Variants in ST3GAL1 observed in about 807,000 individuals in gnomAD.
ST3GAL1 encodes the protein CMP-N-acetylneuraminate-beta-galactosamide-alpha-2,3-sialyltransferase 1.
In ST3GAL1, 16 loss-of-function variants were observed where a neutral mutation model predicts 34.1. That is an observed-to-expected ratio of 0.47 (90% confidence interval 0.32 to 0.71). The LOEUF is 0.71. ST3GAL1 is among the 30% of genes least tolerant of loss of function. The probability of loss-of-function intolerance (pLI) is 0.04; values close to 1 mark genes in which losing one functional copy is unlikely to be tolerated. For missense variants in ST3GAL1, 353 were observed against 447.4 expected (o/e 0.79, Z 1.90); for synonymous variants, 191 against 184.7 (o/e 1.03, Z -0.28).
intron 1 of ST3GAL1, among the ~76,000 whole-genome samples, chr8:133,552,750 T>C (rs1307754104): frequency 6.6e-6 from 1 of 152,210 alleles, no homozygotes; most frequent in Admixed American, 6.5e-5. Flanking sequence ...CATAATGAAG[T>C]GCCTTTCTGA....
intron 2 of ST3GAL1, among the ~76,000 whole-genome samples, chr8:133,506,956 T>TTA (rs1554615406): frequency 1.4e-5 from 2 of 147,860 alleles, no homozygotes; most frequent in African/African-American, 4.9e-5. Flanking sequence ...AATAAATAAA[T>TTA]AATAAATAAA....
chr8:133,479,446 G>A (rs1232280442), intron 3 of ST3GAL1, among the ~76,000 whole-genome samples: 1 of 152,168 alleles, frequency 6.6e-6, no homozygotes, highest in Non-Finnish European at 1.5e-5. Context: ...CTGCTGGTGG[G>A]GCTGAGCAGA....
intron 3 of ST3GAL1, among the ~76,000 whole-genome samples, chr8:133,485,151 C>A (rs532945743): frequency 2.0e-5 from 3 of 152,160 alleles, no homozygotes; most frequent in Non-Finnish European, 4.4e-5. Flanking sequence ...TGTTCCCACT[C>A]GCTGTGTGCT....
Position 133,549,294 on chromosome 8 carries a change from C to T in ST3GAL1, c.-581-3368G>A, listed in dbSNP as rs148051984. 5.6e-3 allele frequency among the ~76,000 whole-genome samples: 839 copies of T among 150,328 alleles called. 6 individuals are homozygous for T. The highest frequency in any genetic ancestry group is 0.019 in the African/African-American group (790 of 40,870). On this transcript the variant is annotated intron_variant, in intron 1 of 9. Coordinates refer to ENST00000522652, the MANE Select transcript of ST3GAL1 (RefSeq NM_173344.3). ...GCACACGCCTGTAATCCCAGCTACT[C>T]GGGAGGCTGAGGCAGGAGAATCACT... is the stretch of plus-strand genomic sequence containing the variant.
intron 2 of ST3GAL1, among the ~76,000 whole-genome samples, chr8:133,527,274 C>T (rs978651740): frequency 6.6e-5 from 10 of 152,102 alleles, no homozygotes; most frequent in Admixed American, 3.3e-4. Flanking sequence ...AGTTGGAAAT[C>T]GAATCACCCA....
chr8:133,496,275 G>A (rs1225809937), intron 3 of ST3GAL1, among the ~76,000 whole-genome samples: 1 of 152,216 alleles, frequency 6.6e-6, no homozygotes, highest in East Asian at 1.9e-4. Flanking sequence ...TGCGGAAAGA[G>A]AGACATTCTG....
At chr8:133,473,932 C>T (rs1394242107) in intron 5 of ST3GAL1, among the ~76,000 whole-genome samples, 1 of 152,192 alleles carries the variant, frequency 6.6e-6, no homozygotes, top group Non-Finnish European at 1.5e-5. Context: ...CTTCCCTAGA[C>T]CCTTGGATCT....
chr8:133,465,671 C>T (rs1328100430), intron 6 of ST3GAL1: 2 of 454,940 alleles, frequency 4.4e-6, no homozygotes, highest in Non-Finnish European at 7.6e-6. Context: ...TGTATGGCTT[C>T]CTCTCTGCAC....
Position 133,503,290 on chromosome 8 carries a change from C to T in ST3GAL1, c.-428-4101G>A, listed in dbSNP as rs115827985. On this transcript the variant is annotated intron_variant, in intron 2 of 9. Coordinates refer to ENST00000522652, the MANE Select transcript of ST3GAL1 (RefSeq NM_173344.3). ...GAACTGAGTAGATAGTCAGGAGAGC[C>T]GACTTCCACTCAGGCTCTGCCATTT... Among the ~76,000 whole-genome samples the T allele has an allele frequency of 4.8e-3, 729 of 152,266 alleles. 2 individuals carry two copies. Among genetic ancestry groups the T allele is most frequent in the African/African-American group, 0.015 (628 of 41,556 alleles).
intron 1 of ST3GAL1, among the ~76,000 whole-genome samples, chr8:133,553,048 C>T (rs375241194): frequency 4.3e-4 from 65 of 152,194 alleles, no homozygotes; most frequent in African/African-American, 1.5e-3. Flanking sequence ...CACAATATCC[C>T]TTTGTGCTCA....
At chr8:133,464,547 T>G (rs552553097) in intron 7 of ST3GAL1, among the ~76,000 whole-genome samples, 1 of 152,298 alleles carries the variant, frequency 6.6e-6, no homozygotes, top group Non-Finnish European at 1.5e-5. Context: ...GGAGGTCCCT[T>G]CAGGAATTGT....
Position 133,541,044 on chromosome 8 carries a change from CAT to C in ST3GAL1, c.-429+4728_-429+4729del, listed in dbSNP as rs1161236540. On this transcript the variant is annotated intron_variant, in intron 2 of 9. Transcript: ENST00000522652. The stretch of plus-strand genomic sequence containing the variant: ...AGACATATATATAGACATATATAGA[CAT>C]ATATATAGACATATATATATAGACA... Among the ~76,000 whole-genome samples, 41 of 92,624 alleles carry C rather than the reference CAT, an allele frequency of 4.4e-4. 1 individual carries two copies. The highest frequency in any genetic ancestry group is 2.3e-3 in the South Asian group (6 of 2,596). The allele number at this position is 92,624 out of a possible 152,430, so 60.8% of individuals were successfully genotyped here.
chr8:133,503,712 T>C (rs1302088274), intron 2 of ST3GAL1, among the ~76,000 whole-genome samples: 3 of 152,052 alleles, frequency 2.0e-5, no homozygotes, highest in Non-Finnish European at 2.9e-5. Context: ...CCTGAATATC[T>C]CCAGATGTAG....
At chr8:133,541,106 T>TAGAGAGAG (rs1563734604) in intron 2 of ST3GAL1, among the ~76,000 whole-genome samples, 4 of 50,334 alleles carry the variant, frequency 7.9e-5, no homozygotes, top group Admixed American at 3.7e-4. Context: ...CATATATATA[T>TAGAGAGAG]ATATATATAT....
intron 2 of ST3GAL1, among the ~76,000 whole-genome samples, chr8:133,527,026 G>C (rs778760905): frequency 6.6e-6 from 1 of 152,180 alleles, no homozygotes; most frequent in Non-Finnish European, 1.5e-5. Flanking sequence ...ACTTGCCCAA[G>C]CTCACCTGAT....
intron 3 of ST3GAL1, among the ~76,000 whole-genome samples, chr8:133,481,488 ATTG>A (rs1451860738): frequency 6.7e-6 from 1 of 150,346 alleles, no homozygotes; most frequent in Non-Finnish European, 1.5e-5. Context: ...TGTTGTTGTC[ATTG>A]TTGTTGTTGT....
intron 3 of ST3GAL1, among the ~76,000 whole-genome samples, chr8:133,485,791 G>A (rs1321813023): frequency 6.6e-6 from 1 of 150,542 alleles, no homozygotes; most frequent in Admixed American, 6.6e-5. Context: ...GTGGAGCTTT[G>A]GGGGGGATAG....
chr8:133,547,095 T>C (rs1336674524), intron 1 of ST3GAL1, among the ~76,000 whole-genome samples: 1 of 152,070 alleles, frequency 6.6e-6, no homozygotes, highest in African/African-American at 2.4e-5. Flanking sequence ...CCCCAATTTG[T>C]TCAGGCCACC....
intron 2 of ST3GAL1, among the ~76,000 whole-genome samples, chr8:133,534,197 C>T (rs1008548311): frequency 6.6e-5 from 10 of 152,180 alleles, no homozygotes; most frequent in Non-Finnish European, 1.0e-4. Flanking sequence ...GCCTTCCCTT[C>T]GTCCTCTTCT....
Sources: allele counts gnomAD v4.1 joint callset (sites outside exome capture counted in the v4.1 genomes callset), GRCh38; gene constraint gnomAD v4.1.1; transcripts MANE v1.5; gene names NCBI Gene and HGNC (gene_info 2026-07-23, HGNC 2026-07-21).